PKHD1L1: variants seen among roughly 807,000 people sequenced by gnomAD.
PKHD1L1 encodes fibrocystin-L.
A neutral mutation model predicts 462.9 loss-of-function variants in PKHD1L1; 434 were observed. The observed-to-expected ratio is 0.94, with a 90% confidence interval of 0.87 to 1.02. The LOEUF (loss-of-function observed/expected upper bound fraction) is 1.02. PKHD1L1 is among the 50% of genes least tolerant of loss of function. The pLI is 0.00. For synonymous variants in PKHD1L1, 1,781 were observed against 1,750.0 expected (o/e 1.02, Z -0.44); for missense variants, 5,202 against 5,096.1 (o/e 1.02, Z -0.63).
At position 109,419,256 on chromosome 8, in the gene PKHD1L1, G is replaced by C; in HGVS notation, c.2520G>C (p.Leu840Phe). 6.3e-7 allele frequency: 1 copy of C among 1,591,672 alleles called. No individual in the cohort carries two copies. The highest frequency in any genetic ancestry group is 1.7e-5 in the Admixed American group (1 of 57,334). ...YIGHTSTIST[L>F]DEMPKRRLPA... is the part of the protein sequence containing the mutation. ...GACACACATCTACAATCTCAACATT[G>C]GATGGTATGTTGTATCATTTTATCT... The change falls in exon 22 of 78, where the codon TTG becomes TTC. Residue 840 changes from leucine (L) to phenylalanine (F), a missense_variant. Physicochemically the swap from Leu to Phe is conservative, Grantham distance 22 (BLOSUM62 0). Coordinates refer to ENST00000378402, the MANE Select transcript of PKHD1L1 (RefSeq NM_177531.6).
intron 40 of PKHD1L1, among the ~76,000 whole-genome samples, chr8:109,450,234 C>A (rs1168957498): frequency 6.6e-6 from 1 of 151,916 alleles, no homozygotes; most frequent in East Asian, 1.9e-4. Flanking sequence ...CTTTGGACAA[C>A]AAAACTTAGT....
At chr8:109,410,235 A>G (rs942693240) in intron 19 of PKHD1L1, among the ~76,000 whole-genome samples, 8 of 152,200 alleles carry the variant, frequency 5.3e-5, no homozygotes, top group African/African-American at 1.9e-4. Flanking sequence ...GATCAAAGGT[A>G]AGATTTGCAG....
At position 109,531,306 on chromosome 8, in the gene PKHD1L1, G is replaced by A. The variant is rs1429452781; in HGVS notation, c.*1216G>A. On this transcript the variant is annotated 3_prime_UTR_variant, in exon 78 of 78. Transcript: ENST00000378402. Reference sequence around the variant, plus strand: ...CATTTCATTCACTTGAGCAGTATCTGTTGGGTGTTCTAGTAAGTAGGAAGG... The same window carrying A: ...CATTTCATTCACTTGAGCAGTATCTATTGGGTGTTCTAGTAAGTAGGAAGG... Among the ~76,000 whole-genome samples the A allele has an allele frequency of 6.6e-6, 1 of 152,350 alleles. No individual in the cohort carries two copies. Among genetic ancestry groups the A allele is most frequent in the African/African-American group, 2.4e-5 (1 of 41,580 alleles).
chr8:109,502,782 G>A (rs1218690350), intron 67 of PKHD1L1, among the ~76,000 whole-genome samples: 1 of 152,236 alleles, frequency 6.6e-6, no homozygotes, highest in East Asian at 1.9e-4. Context: ...ATAGGGCAGA[G>A]GAAGGAGCTA....
At chr8:109,503,055 C>A (rs1819507086) in intron 67 of PKHD1L1, among the ~76,000 whole-genome samples, 1 of 152,168 alleles carries the variant, frequency 6.6e-6, no homozygotes, top group South Asian at 2.1e-4. Flanking sequence ...CCTGTAGTTC[C>A]AGCACTTTGG....
chr8:109,422,714 T>A (rs1186069832), intron 23 of PKHD1L1, among the ~76,000 whole-genome samples: 1 of 152,166 alleles, frequency 6.6e-6, no homozygotes, highest in African/African-American at 2.4e-5. Context: ...TAAGTTTCCA[T>A]TTTTTCTCGG....
chr8:109,384,410 G>A (rs1230759096), intron 5 of PKHD1L1, among the ~76,000 whole-genome samples: 1 of 151,910 alleles, frequency 6.6e-6, no homozygotes, highest in Non-Finnish European at 1.5e-5. Context: ...AGGCTTGGTG[G>A]CAAGCACCTT....
At chr8:109,470,984 G>A (rs1817686153) in intron 50 of PKHD1L1, 2 of 1,610,584 alleles carry the variant, frequency 1.2e-6, no homozygotes, top group Non-Finnish European at 1.7e-6. Flanking sequence ...CGAGTCCATA[G>A]GCATCCCGCA....
chr8:109,515,691 C>T (rs776939443), intron 72 of PKHD1L1, among the ~76,000 whole-genome samples: 3 of 152,124 alleles, frequency 2.0e-5, no homozygotes, highest in Non-Finnish European at 4.4e-5. Context: ...AATTAATTGG[C>T]AGTCATAAGA....
intron 39 of PKHD1L1, 105 bp downstream of exon 39, chr8:109,448,496 AG>A: frequency 8.4e-7 from 1 of 1,188,560 alleles, no homozygotes; most frequent in Non-Finnish European, 1.1e-6. Flanking sequence ...TAAAATTTCT[AG>A]TGTTTTTTTT....
intron 75 of PKHD1L1, 39 bp from the exon 76 acceptor site, chr8:109,523,194 G>T: frequency 6.6e-7 from 1 of 1,517,778 alleles, no homozygotes. Flanking sequence ...ATGGAAACAG[G>T]ACAATTGTTA....
chr8:109,384,408 T>C (rs1275423411), intron 5 of PKHD1L1, among the ~76,000 whole-genome samples: 2 of 151,918 alleles, frequency 1.3e-5, no homozygotes, highest in Non-Finnish European at 2.9e-5. Flanking sequence ...CCAGGCTTGG[T>C]GGCAAGCACC....
chr8:109,466,635 C>T lies in PKHD1L1; in HGVS notation c.8471C>T (p.Thr2824Ile), dbSNP rs369039010. 6.8e-6 allele frequency: 11 copies of T among 1,610,390 alleles called. No individual in the cohort carries two copies. The African/African-American group carries it at 1.1e-4, about 16-fold the overall frequency. ...TCATTGCTAGACCCTTCTCATTGTA[C>T]TCAGGAAGCTGAGTGGAGCATTGGG... ...HSSLLDPSHC[T>I]QEAEWSIGFP... Residue 2824 changes from threonine (T) to isoleucine (I), a missense_variant, in exon 50 of 78, where the codon ACT (threonine) becomes ATT (isoleucine). Around this residue, in one of 3 missense-constraint regions of PKHD1L1, gnomAD observed 4,497 missense variants for 4,336.8 expected, o/e 1.04. Transcript: ENST00000378402.
chr8:109,466,970 T>G (rs932610715), intron 50 of PKHD1L1, among the ~76,000 whole-genome samples: 4 of 152,044 alleles, frequency 2.6e-5, no homozygotes, highest in Admixed American at 1.3e-4. Context: ...TAGCGAAATA[T>G]TCTGCTGATC....
rs1819771977 is a variant in PKHD1L1, at chr8:109,507,833, A to G, written c.11165A>G (p.Lys3722Arg). 6.2e-7 allele frequency: 1 copy of G among 1,613,498 alleles called. No homozygotes were observed. Among genetic ancestry groups the G allele is most frequent in the African/African-American group, 1.3e-5 (1 of 74,910 alleles). ...QVGIGDYRIPKAMLTFLNGSR... is the reference protein window; with the variant it reads ...QVGIGDYRIPRAMLTFLNGSR... Reference sequence around the variant, plus strand: ...GGAATTGGAGACTACAGAATTCCTAAGGCGATGCTCACATTCTTGAATGGA... The same window carrying G: ...GGAATTGGAGACTACAGAATTCCTAGGGCGATGCTCACATTCTTGAATGGA... The change falls in exon 69 of 78, where the codon AAG (lysine) becomes AGG (arginine). Residue 3722 changes from lysine (K) to arginine (R), a missense_variant. Lys to Arg is a conservative substitution (Grantham distance 26). This residue lies in a region of PKHD1L1 where 698 missense variants were observed against 736.3 expected (regional missense o/e 0.95). Coordinates refer to ENST00000378402, the MANE Select transcript of PKHD1L1 (RefSeq NM_177531.6).
chr8:109,496,227 GAA>G (rs1452162012), intron 63 of PKHD1L1, among the ~76,000 whole-genome samples: 1 of 152,144 alleles, frequency 6.6e-6, no homozygotes, highest in African/African-American at 2.4e-5. Flanking sequence ...TAGTAGGAGA[GAA>G]GAGATGGATA....
Position 109,444,974 on chromosome 8 carries a change from T to G in PKHD1L1, c.5105T>G (p.Val1702Gly), listed in dbSNP as rs776538935. 3.1e-6 allele frequency: 5 copies of G among 1,613,852 alleles called. No individual in the cohort carries two copies. Among genetic ancestry groups the G allele is most frequent in the Admixed American group, 1.7e-5 (1 of 59,986 alleles). The change falls in exon 38 of 78, where the codon GTT becomes GGT. Residue 1702 changes from valine to glycine, a missense_variant. Coordinates refer to ENST00000378402, the MANE Select transcript of PKHD1L1 (RefSeq NM_177531.6). ...CTTATGGGTCATTTCCCATGTAAAG[T>G]TCTATCAGTGAATTATACGGCCATT... ...KVLMGHFPCKVLSVNYTAIEC... is the reference protein window; with the variant it reads ...KVLMGHFPCKGLSVNYTAIEC...
chr8:109,369,941 T>C (rs1209530010), intron 2 of PKHD1L1, among the ~76,000 whole-genome samples: 4 of 152,182 alleles, frequency 2.6e-5, no homozygotes, highest in Admixed American at 2.0e-4. Context: ...GTTATTTGGT[T>C]AAGCTTAGAG....
chr8:109,449,262 A>G, intron 39 of PKHD1L1, 76 bp from the exon 40 acceptor site: 1 of 1,365,462 alleles, frequency 7.3e-7, no homozygotes, highest in African/African-American at 1.5e-5. Context: ...CATTTAAAAT[A>G]AAGGTAAAAA....
Sources: gnomAD v4.1 joint callset for allele counts (sites outside exome capture counted in the v4.1 genomes callset) on GRCh38, gnomAD v4.1.1 for gene constraint, gnomAD v4.1.1 regional missense constraint, MANE v1.5 for transcripts, NCBI Gene and HGNC (gene_info 2026-07-23, HGNC 2026-07-21) for gene names.